TEKT5: variants seen among roughly 807,000 people sequenced by gnomAD.
TEKT5 encodes tektin-5.
In TEKT5, 52 loss-of-function variants were observed where a neutral mutation model predicts 48.7. The observed-to-expected ratio is 1.07, with a 90% CI of 0.86 to 1.35. The LOEUF (loss-of-function observed/expected upper bound fraction) is 1.35, where lower values mean the gene tolerates loss of function less well. Ranked by LOEUF, TEKT5 falls within the 40% of genes most tolerant of loss-of-function variation. The pLI, the probability that TEKT5 is intolerant of heterozygous loss-of-function variation, is 0.00. For synonymous variants in TEKT5, 318 were observed against 267.6 expected (o/e 1.19, Z -1.84); for missense variants, 831 against 641.6 (o/e 1.30, Z -3.19).
In TEKT5 at chr16:10,627,650, T is replaced by C. The variant is rs770486261; in HGVS notation, c.1391A>G (p.Asp464Gly). The change falls in exon 7 of 7, where the codon GAC becomes GGC. Residue 464 changes from aspartate to glycine, a missense_variant. Asp to Gly is a moderately conservative substitution (Grantham distance 94). Transcript: ENST00000283025. ...ACGCATGCCCATGCACTTCTCCTTGTCGATGCAGAGGGTGTTGGCCTTGAT... is the reference window on the plus strand; with the variant it reads ...ACGCATGCCCATGCACTTCTCCTTGCCGATGCAGAGGGTGTTGGCCTTGAT... Reference protein sequence around the residue: ...LAIKANTLCIDKEKCMGMRKT... With the variant: ...LAIKANTLCIGKEKCMGMRKT... 6 of 1,614,058 alleles carry C rather than the reference T, an allele frequency of 3.7e-6. No homozygotes were observed. The African/African-American group carries it at 6.7e-5, about 18-fold the overall frequency.
chr16:10,669,896 A>C (rs1412442006), intron 5 of TEKT5, among the ~76,000 whole-genome samples: 1 of 152,202 alleles, frequency 6.6e-6, no homozygotes, highest in East Asian at 1.9e-4. Context: ...CAGAGAAGTC[A>C]CCAGCTCCTT....
chr16:10,636,275 C>T (rs1333378252), intron 5 of TEKT5, among the ~76,000 whole-genome samples: 4 of 151,508 alleles, frequency 2.6e-5, no homozygotes, highest in Non-Finnish European at 5.9e-5. Flanking sequence ...CTCGGGGGAC[C>T]GAGGCAGGAG....
chr16:10,690,080 A>G, intron 1 of TEKT5, 55 bp from the exon 2 acceptor site: 2 of 1,574,572 alleles, frequency 1.3e-6, no homozygotes. Flanking sequence ...GTAGACCCTG[A>G]GCAGAAGGGA....
At chr16:10,689,165 G>T in intron 3 of TEKT5, 88 bp downstream of exon 3, 1 of 1,029,078 alleles carries the variant, frequency 9.7e-7, no homozygotes, top group Non-Finnish European at 1.4e-6. Context: ...CCAGAGACAA[G>T]TGGGCCCATC....
intron 4 of TEKT5, among the ~76,000 whole-genome samples, chr16:10,680,842 C>T (rs2142306867): frequency 8.8e-6 from 1 of 113,912 alleles, no homozygotes; most frequent in Admixed American, 1.2e-4. Context: ...GGGAACATCA[C>T]ACTCTGGGGA....
intron 5 of TEKT5, among the ~76,000 whole-genome samples, chr16:10,658,838 C>A (rs1455808964): frequency 6.6e-6 from 1 of 152,090 alleles, no homozygotes; most frequent in Non-Finnish European, 1.5e-5. Context: ...GTACCTCAGT[C>A]CCCTGAGTAC....
At chr16:10,677,509 C>G (rs1596415783) in intron 4 of TEKT5, among the ~76,000 whole-genome samples, 1 of 145,850 alleles carries the variant, frequency 6.9e-6, no homozygotes, top group East Asian at 2.1e-4. Context: ...ACTCGGAAGG[C>G]TGAGGCAGGA....
intron 3 of TEKT5, 101 bp downstream of exon 3, chr16:10,689,152 C>T: frequency 1.2e-6 from 1 of 867,200 alleles, no homozygotes; most frequent in Non-Finnish European, 1.8e-6. Context: ...CCAAAAGAAC[C>T]ACCCAGAGAC....
chr16:10,683,764 T>C (rs1264815131), intron 3 of TEKT5, among the ~76,000 whole-genome samples: 1 of 152,130 alleles, frequency 6.6e-6, no homozygotes, highest in Non-Finnish European at 1.5e-5. Context: ...CTGATTTTTG[T>C]GTTTTTTTAG....
chr16:10,655,084 G>C (rs993265946), intron 5 of TEKT5, among the ~76,000 whole-genome samples: 1 of 151,880 alleles, frequency 6.6e-6, no homozygotes, highest in Non-Finnish European at 1.5e-5. Context: ...AAGGCAGGAA[G>C]AGAGACTTAT....
chr16:10,645,876 T>A (rs374569420), intron 5 of TEKT5, among the ~76,000 whole-genome samples: 12 of 152,032 alleles, frequency 7.9e-5, no homozygotes, highest in African/African-American at 2.9e-4. Flanking sequence ...GTGCCTGTAA[T>A]TCCAGCACTT....
intron 3 of TEKT5, among the ~76,000 whole-genome samples, chr16:10,687,598 C>A (rs561495311): frequency 1.3e-5 from 2 of 152,262 alleles, no homozygotes; most frequent in East Asian, 3.9e-4. Context: ...ACTAAAAATA[C>A]ATAAAATAGC....
At chr16:10,657,555 T>TA (rs2142282404) in intron 5 of TEKT5, among the ~76,000 whole-genome samples, 1 of 152,058 alleles carries the variant, frequency 6.6e-6, no homozygotes, top group Non-Finnish European at 1.5e-5. Context: ...ATGATAACAT[T>TA]AAGTCACGTT....
At chr16:10,650,846 T>C (rs1440717439) in intron 5 of TEKT5, among the ~76,000 whole-genome samples, 1 of 151,352 alleles carries the variant, frequency 6.6e-6, no homozygotes, top group Non-Finnish European at 1.5e-5. Context: ...GATTGTGGCA[T>C]TGCATTTCAG....
rs763166393 is a variant in TEKT5 at position 10,676,145 on chromosome 16, G to T, written c.900C>A (p.Asn300Lys). 1 of 1,614,208 alleles carries T rather than the reference G, an allele frequency of 6.2e-7. No individual in the cohort carries two copies. The highest frequency in any genetic ancestry group is 1.7e-5 in the Admixed American group (1 of 60,028). Residue 300 changes from asparagine (N) to lysine (K), a missense_variant, in exon 5 of 7, where the codon AAC becomes AAA. Asn to Lys is a moderately conservative substitution (Grantham distance 94). Coordinates refer to ENST00000283025, the MANE Select transcript of TEKT5 (RefSeq NM_144674.2). ...TGTTCTGAGAGTGTTTGATGTTGTC[G>T]TTACTGAACTTGGCCCAGGTCTCAG... Reference protein sequence around the residue: ...SVPETWAKFSNDNIKHSQNMR... With the variant: ...SVPETWAKFSKDNIKHSQNMR...
intron 4 of TEKT5, among the ~76,000 whole-genome samples, chr16:10,678,541 G>C (rs1165487122): frequency 6.6e-6 from 1 of 152,196 alleles, no homozygotes; most frequent in African/African-American, 2.4e-5. Context: ...TCTGGAGATA[G>C]GAGTGGCACT....
chr16:10,670,871 TTATTTATG>T (rs1220296479), intron 5 of TEKT5, among the ~76,000 whole-genome samples: 2 of 151,794 alleles, frequency 1.3e-5, no homozygotes, highest in African/African-American at 4.8e-5. Context: ...ATTTATTTAT[TTATTTATG>T]TATTTATTTA....
At chr16:10,650,337 G>A (rs1898134926) in intron 5 of TEKT5, among the ~76,000 whole-genome samples, 1 of 151,856 alleles carries the variant, frequency 6.6e-6, no homozygotes, top group South Asian at 2.1e-4. Context: ...CTGACCTCAG[G>A]TGATCTGCCC....
chr16:10,685,888 C>T (rs529111271), intron 3 of TEKT5, among the ~76,000 whole-genome samples: 19 of 152,116 alleles, frequency 1.2e-4, no homozygotes, highest in African/African-American at 1.9e-4. Context: ...GTTGCAAAAG[C>T]GGCCTCCTGA....
Sources: gnomAD v4.1 joint callset for allele counts (sites outside exome capture counted in the v4.1 genomes callset) on GRCh38, gnomAD v4.1.1 for gene constraint, MANE v1.5 for transcripts, NCBI Gene and HGNC (gene_info 2026-07-23, HGNC 2026-07-21) for gene names.